Variants in PRR16 observed in about 807,000 individuals in gnomAD.
PRR16 encodes proline rich 16, also known as protein Largen.
A neutral mutation model predicts 18.2 loss-of-function variants in PRR16; 6 were observed. The ratio of observed to expected loss-of-function variants is 0.33; its 90% CI spans 0.18 to 0.65. The LOEUF (loss-of-function observed/expected upper bound fraction) is 0.65. Among genes scored for constraint, PRR16 ranks in the 30% least tolerant of loss-of-function variants. The probability of loss-of-function intolerance (pLI) is 0.74; values close to 1 mark genes in which losing one functional copy is unlikely to be tolerated. For synonymous variants in PRR16, 151 were observed against 147.8 expected, an observed-to-expected ratio of 1.02 and a Z score of -0.16; for missense variants, 412 against 376.6, an observed-to-expected ratio of 1.09 and a Z score of -0.78.
rs774620501 is a variant in PRR16, at chr5:120,464,629, C to G, written c.143C>G (p.Ala48Gly). The G allele has an allele frequency of 6.4e-7, 1 of 1,567,466 alleles. No individual in the cohort carries two copies. The highest frequency in any genetic ancestry group is 8.6e-7 in the Non-Finnish European group (1 of 1,164,212). Residue 48 changes from alanine to glycine, a missense_variant, in exon 1 of 2, where the codon GCC becomes GGC. Ala to Gly is a moderately conservative substitution (Grantham distance 60, BLOSUM62 0). Transcript: ENST00000407149. ...ELVLGDLKDV[A>G]KELKEVVDQI... is the part of the protein sequence containing the mutation. Reference sequence around the variant, plus strand: ...GTCCTGGGCGACCTGAAGGACGTGGCCAAGGAACTTAAGGAGGTGAGAGGC... The same window carrying G: ...GTCCTGGGCGACCTGAAGGACGTGGGCAAGGAACTTAAGGAGGTGAGAGGC...
At chr5:120,561,419 T>C (rs1207583563) in intron 1 of PRR16, among the ~76,000 whole-genome samples, 1 of 152,168 alleles carries the variant, frequency 6.6e-6, no homozygotes, top group Non-Finnish European at 1.5e-5. Flanking sequence ...GTCTTTGTTT[T>C]GTTGCCAACA....
chr5:120,565,368 G>A (rs1752705756), intron 1 of PRR16, among the ~76,000 whole-genome samples: 1 of 152,198 alleles, frequency 6.6e-6, no homozygotes, highest in Non-Finnish European at 1.5e-5. Context: ...AAAGTGGTAA[G>A]TTGGTGTAGT....
intron 1 of PRR16, among the ~76,000 whole-genome samples, chr5:120,488,944 G>C (rs556059355): frequency 2.0e-4 from 31 of 152,134 alleles, no homozygotes; most frequent in East Asian, 1.7e-3. Context: ...GTTCAGTTTT[G>C]ATGTAGTTGA....
chr5:120,734,067 C>T, the PRR16 span, among the ~76,000 whole-genome samples: 1 of 151,976 alleles, frequency 6.6e-6, no homozygotes, highest in Admixed American at 6.6e-5. Flanking sequence ...AAATGTGTTA[C>T]ATCTGTAATC....
chr5:120,622,080 T>G (rs1418946188), intron 1 of PRR16, among the ~76,000 whole-genome samples: 3 of 152,168 alleles, frequency 2.0e-5, no homozygotes, highest in Non-Finnish European at 4.4e-5. Flanking sequence ...ATTCTATGTC[T>G]GACAATACTA....
rs993386608 is a variant in PRR16 at position 120,589,648 on chromosome 5, A to C, written c.160-96306A>C. Among the ~76,000 whole-genome samples, 3 of 152,140 alleles carry C rather than the reference A, an allele frequency of 2.0e-5. No homozygotes were observed. The East Asian group carries it at 5.8e-4, about 29-fold the overall frequency. On this transcript the variant is annotated intron_variant, in intron 1 of 1. Coordinates refer to ENST00000407149, the MANE Select transcript of PRR16 (RefSeq NM_001300783.2). The stretch of plus-strand genomic sequence containing the variant: ...ACTTCTTACATGGTGGTGGCAGGAG[A>C]AAATGAGGAAGATGTGAAAGCGGAA...
At chr5:120,635,729 C>T (rs1561585883) in intron 1 of PRR16, among the ~76,000 whole-genome samples, 1 of 152,080 alleles carries the variant, frequency 6.6e-6, no homozygotes, top group Admixed American at 6.6e-5. Flanking sequence ...TGCTCACTTT[C>T]ACCACTTCTA....
At chr5:120,638,166 T>C (rs1009472948) in intron 1 of PRR16, among the ~76,000 whole-genome samples, 9 of 152,162 alleles carry the variant, frequency 5.9e-5, no homozygotes, top group African/African-American at 1.7e-4. Context: ...GTTTTCACTG[T>C]GACCTGTCAC....
the PRR16 span, among the ~76,000 whole-genome samples, chr5:120,785,522 T>G: frequency 6.6e-6 from 1 of 151,850 alleles, no homozygotes; most frequent in Admixed American, 6.6e-5. Flanking sequence ...TTATTTGATT[T>G]ACTTGTACAC....
chr5:120,755,932 T>G, the PRR16 span, among the ~76,000 whole-genome samples: 3 of 152,216 alleles, frequency 2.0e-5, no homozygotes, highest in Admixed American at 2.0e-4. Context: ...CAAGCTCTGG[T>G]TACAGAATTT....
intron 1 of PRR16, among the ~76,000 whole-genome samples, chr5:120,568,627 T>C (rs1427410204): frequency 6.6e-6 from 1 of 152,190 alleles, no homozygotes; most frequent in Non-Finnish European, 1.5e-5. Flanking sequence ...GTCTATATTA[T>C]ATACCATAGC....
chr5:120,586,011 A>G (rs1408373021), intron 1 of PRR16, among the ~76,000 whole-genome samples: 1 of 151,970 alleles, frequency 6.6e-6, no homozygotes, highest in Non-Finnish European at 1.5e-5. Context: ...TGTCTCTACT[A>G]AAAATACAAA....
In PRR16 at chr5:120,591,644, T is replaced by C. The variant is rs184626489; in HGVS notation, c.160-94310T>C. On this transcript the variant is annotated intron_variant, in intron 1 of 1. Transcript: ENST00000407149. ...AACAAACATAATTCTTATGTTAGTTTATTTTATTTTTTCTGAATTATTTGT... is the reference window on the plus strand; with the variant it reads ...AACAAACATAATTCTTATGTTAGTTCATTTTATTTTTTCTGAATTATTTGT... Among the ~76,000 whole-genome samples, 128 of 152,194 alleles carry C rather than the reference T, an allele frequency of 8.4e-4. 1 individual carries two copies. Among genetic ancestry groups the C allele is most frequent in the Middle Eastern group, 3.4e-3 (1 of 294 alleles).
chr5:120,682,126 T>C (rs895550926), intron 1 of PRR16, among the ~76,000 whole-genome samples: 3 of 152,208 alleles, frequency 2.0e-5, no homozygotes, highest in African/African-American at 2.4e-5. Flanking sequence ...TCTCTCACAG[T>C]GCCCTTGAGC....
chr5:120,486,035 A>T (rs1749788645), intron 1 of PRR16, among the ~76,000 whole-genome samples: 1 of 152,226 alleles, frequency 6.6e-6, no homozygotes, highest in South Asian at 2.1e-4. Context: ...ACATTTTCTT[A>T]ATCCAGTCTA....
intron 1 of PRR16, among the ~76,000 whole-genome samples, chr5:120,548,941 G>A (rs988202914): frequency 6.3e-5 from 9 of 142,384 alleles, no homozygotes; most frequent in South Asian, 2.3e-4. Flanking sequence ...ATAAACTGTC[G>A]CCTCTTACTG....
intron 1 of PRR16, among the ~76,000 whole-genome samples, chr5:120,480,633 G>C (rs1749580772): frequency 6.6e-6 from 1 of 152,030 alleles, no homozygotes; most frequent in Non-Finnish European, 1.5e-5. Flanking sequence ...TGTTATTTTT[G>C]GCTTCTGATA....
chr5:120,763,997 A>G, the PRR16 span, among the ~76,000 whole-genome samples: 1 of 152,108 alleles, frequency 6.6e-6, no homozygotes, highest in African/African-American at 2.4e-5. Context: ...AGGATCCTCT[A>G]AATGTAAAGA....
chr5:120,740,529 A>T, the PRR16 span, among the ~76,000 whole-genome samples: 2 of 152,112 alleles, frequency 1.3e-5, no homozygotes, highest in African/African-American at 4.8e-5. Context: ...AAATCAACTG[A>T]CTATACATGT....
Sources: gnomAD v4.1 joint callset for allele counts (sites outside exome capture counted in the v4.1 genomes callset) on GRCh38, gnomAD v4.1.1 for gene constraint, MANE v1.5 for transcripts, NCBI Gene and HGNC (gene_info 2026-07-23, HGNC 2026-07-21) for gene names.